The following SCN10A variants were observed in gnomAD, a reference collection of about 807,000 sequenced individuals.
SCN10A encodes sodium voltage-gated channel alpha subunit 10, also known as sodium channel protein type 10 subunit alpha.
In SCN10A, 162 loss-of-function variants were observed where a neutral mutation model predicts 170.7. The observed-to-expected ratio is 0.95, with a 90% CI of 0.84 to 1.08. The LOEUF is 1.08. SCN10A is among the 50% of genes least tolerant of loss of function. The pLI is 0.00. For synonymous variants in SCN10A, 985 were observed against 904.6 expected (o/e 1.09, Z -1.59); for missense variants, 2,527 against 2,436.9 (o/e 1.04, Z -0.78).
At chr3:38,782,260 C>A in intron 4 of SCN10A, among the ~76,000 whole-genome samples, 1 of 152,034 alleles carries the variant, frequency 6.6e-6, no homozygotes, top group South Asian at 2.1e-4. Flanking sequence ...CCATTTCTTG[C>A]TATTTGTATC....
intron 20 of SCN10A, among the ~76,000 whole-genome samples, chr3:38,719,629 A>G (rs992322411): frequency 6.6e-6 from 1 of 151,302 alleles, no homozygotes; most frequent in Non-Finnish European, 1.5e-5. Flanking sequence ...TCCTGACCTC[A>G]TGATCCGCCC....
intron 12 of SCN10A, among the ~76,000 whole-genome samples, chr3:38,751,302 CT>C (rs1306217071): frequency 3.9e-5 from 6 of 152,190 alleles, no homozygotes; most frequent in South Asian, 2.1e-4. Context: ...CAGCTTCCCC[CT>C]GTTACTAGTT....
At chr3:38,779,059 A>G (rs1233498711) in intron 4 of SCN10A, among the ~76,000 whole-genome samples, 1 of 148,230 alleles carries the variant, frequency 6.7e-6, no homozygotes, top group Non-Finnish European at 1.5e-5. Flanking sequence ...TAAAATGTAC[A>G]CCCCTTTGAC....
chr3:38,714,136 G>A (rs1188204795), intron 21 of SCN10A, 56 bp from the exon 22 acceptor site: 15 of 1,601,180 alleles, frequency 9.4e-6, no homozygotes, highest in South Asian at 6.6e-5. Flanking sequence ...GGCAGTCCTC[G>A]TGGAAGGAGA....
intron 11 of SCN10A, among the ~76,000 whole-genome samples, chr3:38,753,306 C>A (rs2063768946): frequency 6.6e-6 from 1 of 152,192 alleles, no homozygotes; most frequent in African/African-American, 2.4e-5. Context: ...CATAGTGAAA[C>A]TTGACCATAA....
chr3:38,787,383 ACTCTTTT>A (rs1420169707), intron 4 of SCN10A, among the ~76,000 whole-genome samples: 1 of 151,898 alleles, frequency 6.6e-6, no homozygotes, highest in African/African-American at 2.4e-5. Flanking sequence ...ACCTTACTAT[ACTCTTTT>A]ATTAATTCTT....
rs745307800 is a variant in SCN10A at position 38,712,164 on chromosome 3, C to G, written c.4086G>C (p.Gln1362His). Reference sequence around the variant, plus strand: ...GTTGATCTCATGGTTGACTCACCACCTGCAGAAGTGCAAGGTAACCCATTG... The same window carrying G: ...GTTGATCTCATGGTTGACTCACCACGTGCAGAAGTGCAAGGTAACCCATTG... Reference protein sequence around the residue: ...NVAMGYLALLQVATFKGWMDI... With the variant: ...NVAMGYLALLHVATFKGWMDI... Residue 1362 changes from glutamine (Q) to histidine (H), a missense_variant, in exon 23 of 28, where the codon CAG becomes CAC. Gln to His is a conservative substitution (Grantham distance 24, BLOSUM62 0). Coordinates refer to ENST00000449082, the MANE Select transcript of SCN10A (RefSeq NM_006514.4). The G allele has an allele frequency of 1.2e-6, 2 of 1,613,774 alleles. No homozygotes were observed. Among genetic ancestry groups the G allele is most frequent in the Non-Finnish European group, 1.7e-6 (2 of 1,179,650 alleles).
chr3:38,720,143 C>G (rs1459310220), intron 20 of SCN10A, among the ~76,000 whole-genome samples: 1 of 152,246 alleles, frequency 6.6e-6, no homozygotes, highest in East Asian at 1.9e-4. Context: ...CTTTTCTCAG[C>G]TTCCGATTCT....
At chr3:38,769,424 A>C (rs1380661615) in intron 5 of SCN10A, among the ~76,000 whole-genome samples, 6 of 151,966 alleles carry the variant, frequency 3.9e-5, no homozygotes, top group Middle Eastern at 3.2e-3. Context: ...TTTTTAGTAG[A>C]GACGGGGTTT....
chr3:38,764,804 G>A (rs892375939), intron 5 of SCN10A, among the ~76,000 whole-genome samples: 2 of 152,124 alleles, frequency 1.3e-5, no homozygotes, highest in South Asian at 2.1e-4. Context: ...GTTTTCCTTA[G>A]TGGTTGTACT....
At chr3:38,742,594 T>C in intron 13 of SCN10A, 65 bp from the exon 14 acceptor site, 2 of 1,239,650 alleles carry the variant, frequency 1.6e-6, no homozygotes, top group Non-Finnish European at 1.2e-6. Context: ...AATTCTGCGG[T>C]CATCCTCTAG....
At chr3:38,774,374 G>A (rs1244592537) in intron 4 of SCN10A, among the ~76,000 whole-genome samples, 1 of 152,176 alleles carries the variant, frequency 6.6e-6, no homozygotes, top group African/African-American at 2.4e-5. Flanking sequence ...TTCACCAGAA[G>A]GCAAGTGCCC....
At chr3:38,725,679 T>C (rs557762342) in intron 17 of SCN10A, among the ~76,000 whole-genome samples, 40 of 152,394 alleles carry the variant, frequency 2.6e-4, no homozygotes, top group African/African-American at 8.9e-4. Context: ...CTTGGCTCAA[T>C]AGATTTTAGC....
intron 4 of SCN10A, among the ~76,000 whole-genome samples, chr3:38,772,259 C>T (rs1308591796): frequency 6.7e-6 from 1 of 148,778 alleles, no homozygotes; most frequent in East Asian, 2.0e-4. Flanking sequence ...GAACAGCCAG[C>T]CAAGGAGCAT....
Position 38,698,142 on chromosome 3 carries a change from C to T in SCN10A, c.5078G>A (p.Gly1693Glu), listed in dbSNP as rs145756648. 6.2e-7 allele frequency: 1 copy of T among 1,614,128 alleles called. No homozygotes were observed. The highest frequency in any genetic ancestry group is 8.5e-7 in the Non-Finnish European group (1 of 1,180,010). Reference sequence around the variant, plus strand: ...GAAGATGATGCCTACGGCTGGGCTCCCACAGTCCCCTCTGGTGCCATTGCT... The same window carrying T: ...GAAGATGATGCCTACGGCTGGGCTCTCACAGTCCCCTCTGGTGCCATTGCT... Reference protein sequence around the residue: ...PNSNGTRGDCGSPAVGIIFFT... With the variant: ...PNSNGTRGDCESPAVGIIFFT... Residue 1693 changes from glycine (G) to glutamate (E), a missense_variant, in exon 28 of 28, where the codon GGG (glycine) becomes GAG (glutamate). Coordinates refer to ENST00000449082, the MANE Select transcript of SCN10A (RefSeq NM_006514.4).
chr3:38,766,211 T>C (rs973456246), intron 5 of SCN10A, among the ~76,000 whole-genome samples: 11 of 152,276 alleles, frequency 7.2e-5, no homozygotes, highest in African/African-American at 2.6e-4. Context: ...CTTTACTGAT[T>C]TGGATTCCCT....
chr3:38,775,320 T>G (rs754414288), intron 4 of SCN10A, among the ~76,000 whole-genome samples: 2 of 152,196 alleles, frequency 1.3e-5, no homozygotes, highest in Non-Finnish European at 1.5e-5. Flanking sequence ...CTACTAAAGG[T>G]GGAATCATGC....
At chr3:38,737,338 G>A (rs949769593) in intron 15 of SCN10A, among the ~76,000 whole-genome samples, 1 of 152,116 alleles carries the variant, frequency 6.6e-6, no homozygotes, top group Non-Finnish European at 1.5e-5. Context: ...CTGCTCTCTT[G>A]ACGATTGTGC....
At chr3:38,739,800 G>A in intron 14 of SCN10A, 112 bp from the exon 15 acceptor site, 3 of 885,926 alleles carry the variant, frequency 3.4e-6, no homozygotes, top group Non-Finnish European at 5.2e-6. Context: ...CTTTTGTTTT[G>A]TTCAGTTGCT....
Sources: allele counts gnomAD v4.1 joint callset (sites outside exome capture counted in the v4.1 genomes callset), GRCh38; gene constraint gnomAD v4.1.1; transcripts MANE v1.5; gene names NCBI Gene and HGNC (gene_info 2026-07-23, HGNC 2026-07-21).